IL1RAPL1: variants seen among roughly 807,000 people sequenced by gnomAD.
IL1RAPL1 encodes the protein interleukin-1 receptor accessory protein-like 1.
Under a neutral mutation model 48.4 loss-of-function variants are expected in IL1RAPL1, and 3 were observed. That is an observed-to-expected ratio of 0.06 (90% confidence interval 0.03 to 0.16). IL1RAPL1 has a LOEUF of 0.16. Ranked by LOEUF, IL1RAPL1 falls within the 10% of genes least tolerant of loss-of-function variation. The probability of loss-of-function intolerance (pLI) is 1.00; values close to 1 mark genes in which losing one functional copy is unlikely to be tolerated. For synonymous variants in IL1RAPL1, 185 were observed against 187.7 expected (o/e 0.99, Z 0.12); for missense variants, 349 against 530.6 (o/e 0.66, Z 3.36).
chrX:28,753,218 C>T (rs1233908381), intron 1 of IL1RAPL1, among the ~76,000 whole-genome samples: 1 of 111,781 alleles, frequency 8.9e-6, no homozygotes, highest in Non-Finnish European at 1.9e-5. Context: ...CCATCTGGCC[C>T]TTTATAGAAA....
intron 6 of IL1RAPL1, among the ~76,000 whole-genome samples, chrX:29,800,241 C>T (rs1929842247): frequency 9.0e-6 from 1 of 110,916 alleles, no homozygotes. Context: ...TTTCAGGTGC[C>T]TTGTGGTAAA....
chrX:28,625,456 G>T, intron 1 of IL1RAPL1, among the ~76,000 whole-genome samples: 1 of 111,958 alleles, frequency 8.9e-6, no homozygotes, highest in Non-Finnish European at 1.9e-5. Flanking sequence ...CCTGCTCACA[G>T]AACTGTATGC....
At chrX:28,933,259 C>G (rs1161957799) in intron 2 of IL1RAPL1, among the ~76,000 whole-genome samples, 1 of 110,969 alleles carries the variant, frequency 9.0e-6, no homozygotes, top group Non-Finnish European at 1.9e-5. Context: ...GTGGGTAGAC[C>G]TTGGAGGAGC....
rs1299995046 is a variant in IL1RAPL1 at position 29,460,938 on chromosome X, T to C, written c.703+61630T>C. Among the ~76,000 whole-genome samples the C allele has an allele frequency of 2.7e-5, 3 of 111,725 alleles. No homozygotes were observed. In the Admixed American group the frequency reaches 2.9e-4, roughly 11 times the overall value. On this transcript the variant is annotated intron_variant, in intron 5 of 10. Coordinates refer to ENST00000378993, the MANE Select transcript of IL1RAPL1 (RefSeq NM_014271.4). ...AGATAATAAATATTCATGTTAAACT[T>C]TATCAAAATTAAACACTTTTTTTTT...
intron 5 of IL1RAPL1, among the ~76,000 whole-genome samples, chrX:29,470,035 A>T (rs1934905058): frequency 8.9e-6 from 1 of 112,122 alleles, no homozygotes; most frequent in Non-Finnish European, 1.9e-5. Flanking sequence ...TACCTGTCAA[A>T]CTGTAGTACC....
At chrX:29,556,341 C>G (rs1921999509) in intron 5 of IL1RAPL1, among the ~76,000 whole-genome samples, 1 of 111,980 alleles carries the variant, frequency 8.9e-6, no homozygotes, top group Middle Eastern at 4.2e-3. Context: ...AACTGAGAAA[C>G]TCTTAAGAAT....
chrX:28,670,256 T>G (rs1226549128), intron 1 of IL1RAPL1, among the ~76,000 whole-genome samples: 1 of 111,688 alleles, frequency 9.0e-6, no homozygotes, highest in African/African-American at 3.3e-5. Context: ...TTGGAGGGGA[T>G]CAATACATAC....
chrX:29,598,849 G>A (rs1368714381), intron 5 of IL1RAPL1, among the ~76,000 whole-genome samples: 3 of 111,454 alleles, frequency 2.7e-5, no homozygotes, highest in Non-Finnish European at 3.8e-5. Flanking sequence ...ATAGCTACCC[G>A]TACTCCTCAC....
At position 29,337,389 on chromosome X, in the gene IL1RAPL1, A is replaced by G. The variant is rs554746893; in HGVS notation, c.362+54172A>G. The stretch of plus-strand genomic sequence containing the variant: ...TAAAAGAGTATACATTTACAAGATT[A>G]CTTTCTAATTTAAAGGGAAAAAAGA... On this transcript the variant is annotated intron_variant, in intron 3 of 10. Coordinates refer to ENST00000378993, the MANE Select transcript of IL1RAPL1 (RefSeq NM_014271.4). 9.8e-4 allele frequency among the ~76,000 whole-genome samples: 110 copies of G among 112,025 alleles called. 3 individuals carry two copies. In the South Asian group the frequency reaches 0.039, roughly 40 times the overall value.
chrX:29,663,408 CCA>C (rs1925905670), intron 5 of IL1RAPL1, among the ~76,000 whole-genome samples: 1 of 112,152 alleles, frequency 8.9e-6, no homozygotes, highest in Admixed American at 9.4e-5. Flanking sequence ...ATAGCACTCG[CCA>C]CAGTGCATCA....
At chrX:29,524,179 C>CT (rs5901924) in intron 5 of IL1RAPL1, among the ~76,000 whole-genome samples, 1,432 of 77,524 alleles carry the variant, frequency 0.018, 24 homozygotes, top group Middle Eastern at 0.045. Flanking sequence ...TTTCACTTGG[C>CT]TTTTTTTTTT....
intron 2 of IL1RAPL1, among the ~76,000 whole-genome samples, chrX:28,835,141 A>G (rs1267448493): frequency 9.0e-6 from 1 of 111,140 alleles, no homozygotes; most frequent in African/African-American, 3.3e-5. Flanking sequence ...CCAACATTTA[A>G]AAATTAGGAT....
intron 6 of IL1RAPL1, among the ~76,000 whole-genome samples, chrX:29,783,830 C>G (rs1053225339): frequency 4.5e-5 from 5 of 112,097 alleles, no homozygotes; most frequent in Admixed American, 3.8e-4. Context: ...AAAATAGAAA[C>G]CAAACTAAAC....
intron 5 of IL1RAPL1, among the ~76,000 whole-genome samples, chrX:29,405,535 T>G (rs1306217957): frequency 1.0e-5 from 1 of 99,300 alleles, no homozygotes; most frequent in Non-Finnish European, 1.9e-5. Flanking sequence ...CCCAGCTAAT[T>G]TTTTGTATTT....
intron 5 of IL1RAPL1, among the ~76,000 whole-genome samples, chrX:29,572,077 G>A (rs1035422517): frequency 9.0e-6 from 1 of 111,650 alleles, no homozygotes; most frequent in East Asian, 2.8e-4. Flanking sequence ...GACTTTTATC[G>A]TGACAAAAGT....
chrX:28,847,592 A>G (rs1310957648), intron 2 of IL1RAPL1, among the ~76,000 whole-genome samples: 1 of 110,950 alleles, frequency 9.0e-6, no homozygotes, highest in Non-Finnish European at 1.9e-5. Flanking sequence ...GCTCGACTCC[A>G]GGGCACAAGG....
chrX:29,118,284 T>C (rs1346427382), intron 2 of IL1RAPL1, among the ~76,000 whole-genome samples: 2 of 112,333 alleles, frequency 1.8e-5, no homozygotes, highest in Admixed American at 1.9e-4. Flanking sequence ...AAAAATGTTT[T>C]ATAGGTATCA....
rs1352234647 is a variant in IL1RAPL1, at chrX:29,684,707, A to G, written c.778+16203A>G. ...AGTTCTTTTCAAGGCACTTAGGAAA[A>G]TGGAAGTACTTAGGACATTCATGAA... On this transcript the variant is annotated intron_variant, in intron 6 of 10. Coordinates refer to ENST00000378993, the MANE Select transcript of IL1RAPL1 (RefSeq NM_014271.4). Among the ~76,000 whole-genome samples the G allele has an allele frequency of 3.6e-5, 4 of 111,700 alleles. No individual in the cohort carries two copies. In the East Asian group the frequency reaches 8.4e-4, roughly 23 times the overall value.
intron 1 of IL1RAPL1, among the ~76,000 whole-genome samples, chrX:28,677,196 T>C (rs1467799547): frequency 1.8e-5 from 2 of 112,179 alleles, no homozygotes; most frequent in African/African-American, 6.5e-5. Flanking sequence ...ACTTTTCTTT[T>C]TCTAAAGGTA....
Sources: gnomAD v4.1 joint callset for allele counts (sites outside exome capture counted in the v4.1 genomes callset) on GRCh38, gnomAD v4.1.1 for gene constraint, MANE v1.5 for transcripts, NCBI Gene and HGNC (gene_info 2026-07-23, HGNC 2026-07-21) for gene names.